The following TMEM178A variants were observed in gnomAD, a reference collection of about 807,000 sequenced individuals.
The protein encoded by TMEM178A is transmembrane protein 178A.
In TMEM178A, 12 loss-of-function variants were observed where a neutral mutation model predicts 29.1. The ratio of observed to expected loss-of-function variants is 0.41; its 90% confidence interval spans 0.26 to 0.67. The LOEUF (loss-of-function observed/expected upper bound fraction) is 0.67. Ranked by LOEUF, TMEM178A falls within the 30% of genes least tolerant of loss-of-function variation. The probability of loss-of-function intolerance (pLI) is 0.29; values close to 1 mark genes in which losing one functional copy is unlikely to be tolerated. For synonymous variants in TMEM178A, 210 were observed against 187.2 expected, an observed-to-expected ratio of 1.12 and a Z score of -0.99; for missense variants, 366 against 419.1, an observed-to-expected ratio of 0.87 and a Z score of 1.11.
At chr2:39,731,464 G>C in the TMEM178A span, among the ~76,000 whole-genome samples, 1 of 152,258 alleles carries the variant, frequency 6.6e-6, no homozygotes, top group African/African-American at 2.4e-5. Flanking sequence ...AAAGTGAGTG[G>C]GTAGGTACAA....
chr2:39,678,897 A>G (rs187168928), intron 1 of TMEM178A, among the ~76,000 whole-genome samples: 3 of 152,298 alleles, frequency 2.0e-5, no homozygotes, highest in African/African-American at 4.8e-5. Flanking sequence ...TCTCTGTGTC[A>G]TTGTGAATAC....
chr2:39,692,862 T>A (rs1028691060), intron 1 of TMEM178A, among the ~76,000 whole-genome samples: 1 of 152,216 alleles, frequency 6.6e-6, no homozygotes, highest in African/African-American at 2.4e-5. Flanking sequence ...AGTTTACACT[T>A]TTGCATGATG....
chr2:39,677,893 A>C (rs1670695717), intron 1 of TMEM178A, among the ~76,000 whole-genome samples: 1 of 152,194 alleles, frequency 6.6e-6, no homozygotes, highest in African/African-American at 2.4e-5. Context: ...GATGGTGTAA[A>C]GCCACAAGGT....
intron 1 of TMEM178A, among the ~76,000 whole-genome samples, chr2:39,667,983 C>G (rs1017676432): frequency 1.3e-5 from 2 of 152,308 alleles, no homozygotes; most frequent in Admixed American, 6.5e-5. Flanking sequence ...TTGGAAATGA[C>G]AGAACTGCAT....
intron 1 of TMEM178A, among the ~76,000 whole-genome samples, chr2:39,674,911 A>T (rs1670553307): frequency 6.6e-6 from 1 of 152,150 alleles, no homozygotes; most frequent in African/African-American, 2.4e-5. Context: ...TAAAAAATTC[A>T]TAGAGTTGAA....
chr2:39,712,107 CCAGT>C (rs1672337341), intron 3 of TMEM178A, among the ~76,000 whole-genome samples: 1 of 147,350 alleles, frequency 6.8e-6, no homozygotes, highest in African/African-American at 2.5e-5. Context: ...ATTAGTTCTG[CCAGT>C]CAGTTAGGAC....
the TMEM178A span, among the ~76,000 whole-genome samples, chr2:39,728,451 A>C: frequency 6.6e-6 from 1 of 152,178 alleles, no homozygotes; most frequent in East Asian, 1.9e-4. Flanking sequence ...AGTTCAATTT[A>C]GTTCAAAAAA....
intron 1 of TMEM178A, among the ~76,000 whole-genome samples, chr2:39,679,198 G>A (rs905027674): frequency 1.3e-5 from 2 of 152,142 alleles, no homozygotes; most frequent in Non-Finnish European, 2.9e-5. Context: ...GGCACATGGC[G>A]ATCTGCCATA....
intron 3 of TMEM178A, among the ~76,000 whole-genome samples, chr2:39,710,257 TG>T (rs1403717790): frequency 6.6e-6 from 1 of 152,236 alleles, no homozygotes; most frequent in South Asian, 2.1e-4. Flanking sequence ...TGACCAGTTC[TG>T]AAGGACTAAC....
At position 39,666,217 on chromosome 2, in the gene TMEM178A, C is replaced by A; in HGVS notation, c.243C>A (p.Gly81=). 7.4e-7 allele frequency: 1 copy of A among 1,352,102 alleles called. No individual in the cohort carries two copies. The highest frequency in any genetic ancestry group is 9.4e-7 in the Non-Finnish European group (1 of 1,060,782). 83.8% of individuals were successfully genotyped at this position (1,352,102 alleles called of 1,614,324 possible). ...PPLGRRLLPG[G]PGRADPESWR... The stretch of plus-strand genomic sequence containing the variant: ...TGGGGCGCCGGCTGCTCCCGGGCGG[C>A]CCGGGGCGCGCCGACCCCGAGTCCT... Residue 81 remains glycine, a synonymous_variant, in exon 1 of 4, where the codon GGC becomes GGA. Transcript: ENST00000281961.
At chr2:39,672,992 C>T (rs1481529077) in intron 1 of TMEM178A, among the ~76,000 whole-genome samples, 1 of 152,216 alleles carries the variant, frequency 6.6e-6, no homozygotes, top group Non-Finnish European at 1.5e-5. Context: ...GTTTTCCCAA[C>T]AGTTAGCAAG....
At chr2:39,705,447 G>A (rs1432907554) in intron 2 of TMEM178A, among the ~76,000 whole-genome samples, 1 of 152,182 alleles carries the variant, frequency 6.6e-6, no homozygotes, top group African/African-American at 2.4e-5. Flanking sequence ...AGATAATGGT[G>A]ACTGAACCAT....
At chr2:39,693,820 A>G (rs1411890303) in intron 1 of TMEM178A, among the ~76,000 whole-genome samples, 2 of 152,214 alleles carry the variant, frequency 1.3e-5, no homozygotes, top group East Asian at 1.9e-4. Context: ...ACTTTTTATT[A>G]TAGATACAAT....
At chr2:39,718,626 A>G (rs999996668), downstream of TMEM178A, among the ~76,000 whole-genome samples, 7 of 152,212 alleles carry the variant, frequency 4.6e-5, no homozygotes, top group African/African-American at 1.7e-4. Context: ...TCTATGAGGT[A>G]AGTGCTGTTA....
At chr2:39,734,504 A>C in the TMEM178A span, among the ~76,000 whole-genome samples, 1 of 152,210 alleles carries the variant, frequency 6.6e-6, no homozygotes, top group Non-Finnish European at 1.5e-5. Context: ...CATGCCACCT[A>C]AATACTGAAA....
chr2:39,679,991 C>T lies in TMEM178A; in HGVS notation c.400+13617C>T, dbSNP rs151158041. 3.3e-5 allele frequency among the ~76,000 whole-genome samples: 5 copies of T among 152,168 alleles called. No homozygotes were observed. In the East Asian group the frequency reaches 9.7e-4, roughly 29 times the overall value. On this transcript the variant is annotated intron_variant, in intron 1 of 3. Transcript: ENST00000281961. ...CTTCAGGCTCTTCAAGCAGAGGTGG[C>T]TCTTCAAGAGACCGGTGGTTTTACT...
At chr2:39,714,622 C>G (rs866929138) in intron 3 of TMEM178A, among the ~76,000 whole-genome samples, 2 of 152,078 alleles carry the variant, frequency 1.3e-5, no homozygotes, top group African/African-American at 4.8e-5. Flanking sequence ...AATCAATTCC[C>G]CAGGAAAAGC....
chr2:39,720,689 T>C (rs1672686317), downstream of TMEM178A, among the ~76,000 whole-genome samples: 1 of 152,192 alleles, frequency 6.6e-6, no homozygotes, highest in African/African-American at 2.4e-5. Flanking sequence ...TGGTAGACCG[T>C]AGGTGCTCTT....
At chr2:39,686,963 ATGTGTGTGTGTGTGTGTGTGTGTG>A (rs4015737) in intron 1 of TMEM178A, among the ~76,000 whole-genome samples, 21 of 120,330 alleles carry the variant, frequency 1.7e-4, no homozygotes, top group African/African-American at 3.1e-4. Context: ...GCACATATGC[ATGTGTGTGTGTGTGTGTGTGTGTG>A]TGTGTGTGTG....
Sources: gnomAD v4.1 joint callset for allele counts (sites outside exome capture counted in the v4.1 genomes callset) on GRCh38, gnomAD v4.1.1 for gene constraint, MANE v1.5 for transcripts, NCBI Gene and HGNC (gene_info 2026-07-23, HGNC 2026-07-21) for gene names.